The following ATP11B variants were observed in gnomAD, a reference collection of about 807,000 sequenced individuals.
ATP11B encodes the protein phospholipid-transporting ATPase IF.
In ATP11B, 81 loss-of-function variants were observed where a neutral mutation model predicts 157.8. The observed-to-expected ratio is 0.51, with a 90% CI of 0.43 to 0.62. The LOEUF (loss-of-function observed/expected upper bound fraction) is 0.62. ATP11B is among the 20% of genes least tolerant of loss of function. The pLI is 0.00. For missense variants in ATP11B, 1,165 were observed against 1,402.2 expected, an observed-to-expected ratio of 0.83 and a Z score of 2.70; for synonymous variants, 451 against 469.4, an observed-to-expected ratio of 0.96 and a Z score of 0.51.
In ATP11B at chr3:182,820,250, T is replaced by C; in HGVS notation, c.28-10T>C. 3.8e-6 allele frequency: 6 copies of C among 1,575,748 alleles called. No homozygotes were observed. The highest frequency in any genetic ancestry group is 5.2e-6 in the Non-Finnish European group (6 of 1,146,084). On this transcript the variant is annotated splice_polypyrimidine_tract_variant and intron_variant, in intron 1 of 29. Transcript: ENST00000323116. The stretch of plus-strand genomic sequence containing the variant: ...TAGTATTTCTTTTTCTCTTGCTTGA[T>C]TGGTCTTAGGGTTTTGACCCACCAC...
chr3:182,794,792 G>A (rs1715497276), intron 1 of ATP11B, among the ~76,000 whole-genome samples: 1 of 152,190 alleles, frequency 6.6e-6, no homozygotes, highest in Non-Finnish European at 1.5e-5. Context: ...TGTGTGATGA[G>A]GCCGGTTACT....
chr3:182,794,684 T>C (rs1715489904), intron 1 of ATP11B, among the ~76,000 whole-genome samples: 1 of 152,200 alleles, frequency 6.6e-6, no homozygotes, highest in African/African-American at 2.4e-5. Flanking sequence ...AAAAATCTTA[T>C]CTGCCTCCTG....
chr3:182,874,574 T>G (rs1263803418), intron 19 of ATP11B, among the ~76,000 whole-genome samples: 1 of 152,206 alleles, frequency 6.6e-6, no homozygotes, highest in Middle Eastern at 3.2e-3. Context: ...CATTGTTTAT[T>G]ATGCATTGAT....
chr3:182,850,540 A>G (rs943517240), intron 10 of ATP11B, among the ~76,000 whole-genome samples: 1 of 152,206 alleles, frequency 6.6e-6, no homozygotes. Flanking sequence ...GCCAGCCAGA[A>G]TGGCTATTAT....
chr3:182,900,201 T>G (rs1723857003), intron 28 of ATP11B, among the ~76,000 whole-genome samples: 1 of 152,218 alleles, frequency 6.6e-6, no homozygotes, highest in Non-Finnish European at 1.5e-5. Context: ...TGAGACAGCA[T>G]AGGCCTGTGA....
chr3:182,894,977 T>A (rs1280801295), intron 25 of ATP11B, among the ~76,000 whole-genome samples: 1 of 141,628 alleles, frequency 7.1e-6, no homozygotes, highest in African/African-American at 2.6e-5. Context: ...AAAAAAAAAA[T>A]TAGCTAAGTG....
chr3:182,820,602 G>A (rs781668358), intron 2 of ATP11B, among the ~76,000 whole-genome samples: 3 of 152,078 alleles, frequency 2.0e-5, no homozygotes, highest in African/African-American at 7.2e-5. Flanking sequence ...CTGGGAAGTC[G>A]AGGGTGCAGT....
chr3:182,803,525 CAT>C (rs979354508), intron 1 of ATP11B, among the ~76,000 whole-genome samples: 14 of 152,256 alleles, frequency 9.2e-5, no homozygotes, highest in African/African-American at 2.4e-4. Flanking sequence ...ATTTATTAGA[CAT>C]ATGATTTCTG....
At position 182,889,342 on chromosome 3, in the gene ATP11B, TATTA is replaced by T; in HGVS notation, c.2844-64_2844-61del. On this transcript the variant is annotated intron_variant, in intron 24 of 29. Coordinates refer to ENST00000323116, the MANE Select transcript of ATP11B (RefSeq NM_014616.3). The stretch of plus-strand genomic sequence containing the variant: ...ATCTTGTTTTTTAATTATCATATTA[TATTA>T]ATTGTTTAGTGGGCAAATAATAAAT... 5 of 1,104,538 alleles carry T rather than the reference TATTA, an allele frequency of 4.5e-6. No homozygotes were observed. The South Asian group carries it at 6.2e-5, about 14-fold the overall frequency. 68.4% of individuals were successfully genotyped at this position (1,104,538 alleles called of 1,614,324 possible). A position where few individuals can be genotyped will look rare whatever the true frequency, so the allele number is the denominator to read the frequency against.
intron 18 of ATP11B, among the ~76,000 whole-genome samples, chr3:182,873,456 TCAAAA>T (rs1721812350): frequency 6.6e-6 from 1 of 152,330 alleles, no homozygotes; most frequent in South Asian, 2.1e-4. Flanking sequence ...TTTTTTTAAA[TCAAAA>T]CAAAAGGAGA....
rs1166867568 is a variant in ATP11B, at chr3:182,918,806, G to T, written c.*702G>T. The T allele has an allele frequency of 6.4e-6, 1 of 155,866 alleles. No homozygotes were observed. The highest frequency in any genetic ancestry group is 1.4e-5 in the Non-Finnish European group (1 of 70,616). 9.7% of individuals were successfully genotyped at this position (155,866 alleles called of 1,614,324 possible). On this transcript the variant is annotated 3_prime_UTR_variant, in exon 30 of 30. Coordinates refer to ENST00000323116, the MANE Select transcript of ATP11B (RefSeq NM_014616.3). ...TATCATATATACAAATCAGGAATCA[G>T]GTCCGTTCACCGAACTTCAAATTGA...
chr3:182,902,607 GCTAAAGGT>G, intron 28 of ATP11B: 4 of 1,198,596 alleles, frequency 3.3e-6, no homozygotes, highest in Non-Finnish European at 4.4e-6. Context: ...TCTTCTGCAT[GCTAAAGGT>G]CAATTAAACA....
intron 2 of ATP11B, among the ~76,000 whole-genome samples, chr3:182,821,852 A>G (rs1717371611): frequency 6.6e-6 from 1 of 152,224 alleles, no homozygotes; most frequent in Non-Finnish European, 1.5e-5. Flanking sequence ...CTTAAGAAGC[A>G]TCTTTGCATT....
At chr3:182,872,034 C>T (rs939803092) in intron 17 of ATP11B, among the ~76,000 whole-genome samples, 24 of 152,172 alleles carry the variant, frequency 1.6e-4, no homozygotes, top group Middle Eastern at 3.2e-3. Flanking sequence ...CCAGGATGGT[C>T]TCGATCTCCT....
chr3:182,885,683 A>C (rs1040929987), intron 22 of ATP11B, among the ~76,000 whole-genome samples: 1 of 152,130 alleles, frequency 6.6e-6, no homozygotes, highest in African/African-American at 2.4e-5. Flanking sequence ...TGAAGGTTGT[A>C]AATTCAAAAT....
intron 28 of ATP11B, chr3:182,905,805 T>A (rs529099953): frequency 4.4e-6 from 2 of 456,716 alleles, no homozygotes; most frequent in South Asian, 3.1e-5. Context: ...TGGAAGAAGA[T>A]AAGGGTTCAG....
At chr3:182,839,750 A>G (rs1318687611) in intron 7 of ATP11B, among the ~76,000 whole-genome samples, 1 of 152,096 alleles carries the variant, frequency 6.6e-6, no homozygotes, top group Non-Finnish European at 1.5e-5. Flanking sequence ...AGATAGGATT[A>G]TATGTGTGTG....
rs905664738 is a variant in ATP11B, at chr3:182,876,475, G to T, written c.2252+2460G>T. ...TCTTAAAGTGAATTTTAGGCTTGCC[G>T]TCTTAGTCTGTTTGTGCTGCTGTAA... is the stretch of plus-strand genomic sequence containing the variant. On this transcript the variant is annotated intron_variant, in intron 19 of 29. Transcript: ENST00000323116. Among the ~76,000 whole-genome samples, 5 of 152,106 alleles carry T rather than the reference G, an allele frequency of 3.3e-5. No individual in the cohort carries two copies. The East Asian group carries it at 7.7e-4, about 23-fold the overall frequency.
At chr3:182,824,619 A>G (rs956872663) in intron 2 of ATP11B, among the ~76,000 whole-genome samples, 1 of 152,224 alleles carries the variant, frequency 6.6e-6, no homozygotes, top group African/African-American at 2.4e-5. Context: ...TTGGGATTAA[A>G]TAAGTATCTT....
Sources: allele counts gnomAD v4.1 joint callset (sites outside exome capture counted in the v4.1 genomes callset), GRCh38; gene constraint gnomAD v4.1.1; transcripts MANE v1.5; gene names NCBI Gene and HGNC (gene_info 2026-07-23, HGNC 2026-07-21).